Variants in UBASH3A observed in about 807,000 individuals in gnomAD.
The protein encoded by UBASH3A is ubiquitin-associated and SH3 domain-containing protein A.
A neutral mutation model predicts 73.5 loss-of-function variants in UBASH3A; 63 were observed. The observed-to-expected ratio is 0.86, with a 90% CI of 0.70 to 1.06. The LOEUF (loss-of-function observed/expected upper bound fraction) is 1.06, where lower values mean the gene tolerates loss of function less well. Ranked by LOEUF, UBASH3A falls within the 50% of genes least tolerant of loss-of-function variation. UBASH3A has a pLI of 0.00. For synonymous variants in UBASH3A, 363 were observed against 351.1 expected, an observed-to-expected ratio of 1.03 and a Z score of -0.38; for missense variants, 860 against 859.0, an observed-to-expected ratio of 1.00 and a Z score of -0.02.
chr21:42,406,880 A>C (rs2052988279), intron 2 of UBASH3A, among the ~76,000 whole-genome samples: 1 of 152,200 alleles, frequency 6.6e-6, no homozygotes, highest in African/African-American at 2.4e-5. Flanking sequence ...AGATTGAGAT[A>C]GATAGGAGGA....
At chr21:42,446,220 T>C (rs2053841255) in intron 14 of UBASH3A, among the ~76,000 whole-genome samples, 1 of 152,192 alleles carries the variant, frequency 6.6e-6, no homozygotes, top group African/African-American at 2.4e-5. Context: ...CTTATGCTGG[T>C]CACGTGGCGT....
chr21:42,405,541 G>C (rs1378784003), intron 1 of UBASH3A, among the ~76,000 whole-genome samples: 1 of 152,196 alleles, frequency 6.6e-6, no homozygotes, highest in Non-Finnish European at 1.5e-5. Flanking sequence ...AGGCTGCCTT[G>C]TTCAAACCTC....
intron 1 of UBASH3A, among the ~76,000 whole-genome samples, chr21:42,405,519 T>A (rs9984108): frequency 3.8e-4 from 58 of 152,082 alleles, no homozygotes; most frequent in Non-Finnish European, 7.1e-4. Context: ...TCATAGTAAG[T>A]GCCCTGCACC....
rs562299997 is a variant in UBASH3A at position 42,423,532 on chromosome 21, G to A, written c.1047-3165G>A. Among the ~76,000 whole-genome samples, 3 of 152,302 alleles carry A rather than the reference G, an allele frequency of 2.0e-5. No homozygotes were observed. In the South Asian group the frequency reaches 6.2e-4, roughly 32 times the overall value. ...AACCATCTCAATTTCAGGAGGGTTG[G>A]GGCTCCCCTGTGGCCCCGCATCATT... On this transcript the variant is annotated intron_variant, in intron 7 of 14. Transcript: ENST00000319294.
chr21:42,418,994 T>C (rs537366349), intron 7 of UBASH3A, among the ~76,000 whole-genome samples: 1 of 152,352 alleles, frequency 6.6e-6, no homozygotes, highest in Admixed American at 6.5e-5. Context: ...GACTGTATAA[T>C]AAATTACCAC....
intron 12 of UBASH3A, 180 bp from the exon 13 acceptor site, chr21:42,443,132 T>C (rs976990283): frequency 7.2e-6 from 10 of 1,395,990 alleles, no homozygotes; most frequent in Middle Eastern, 1.9e-4. Context: ...GTGCTGGAGA[T>C]TGACTGTCAG....
At chr21:42,436,654 G>A (rs968173065) in intron 10 of UBASH3A, among the ~76,000 whole-genome samples, 2 of 152,162 alleles carry the variant, frequency 1.3e-5, no homozygotes, top group Non-Finnish European at 2.9e-5. Flanking sequence ...TTTTTCAAGG[G>A]AGGGGATACA....
chr21:42,404,868 A>G (rs1291355693), intron 1 of UBASH3A, among the ~76,000 whole-genome samples: 1 of 152,212 alleles, frequency 6.6e-6, no homozygotes, highest in Non-Finnish European at 1.5e-5. Context: ...CTTAGCCTTC[A>G]GAGTTACCAC....
At chr21:42,416,375 A>T in intron 5 of UBASH3A, 67 bp from the exon 6 acceptor site, 2 of 1,460,576 alleles carry the variant, frequency 1.4e-6, no homozygotes, top group Non-Finnish European at 1.8e-6. Flanking sequence ...GGAAGCATGG[A>T]GGTCGGAGGA....
At chr21:42,409,882 G>A (rs1282173883) in intron 3 of UBASH3A, among the ~76,000 whole-genome samples, 13 of 151,932 alleles carry the variant, frequency 8.6e-5, no homozygotes, top group Admixed American at 2.6e-4. Flanking sequence ...CCATTTTCTC[G>A]TTCATGTGTC....
rs535095589 is a variant in UBASH3A, at chr21:42,406,862, G to A, written c.167+501G>A. The stretch of plus-strand genomic sequence containing the variant: ...TATGTCCTCCTCAACTGCCTACTAC[G>A]ATGGATAAGATTGAGATAGATAGGA... On this transcript the variant is annotated intron_variant, in intron 2 of 14. Coordinates refer to ENST00000319294, the MANE Select transcript of UBASH3A (RefSeq NM_018961.4). 4.8e-4 allele frequency among the ~76,000 whole-genome samples: 73 copies of A among 152,302 alleles called. 2 individuals are homozygous for A. In the South Asian group the frequency reaches 0.014, roughly 30 times the overall value.
intron 14 of UBASH3A, among the ~76,000 whole-genome samples, 180 bp downstream of exon 14, chr21:42,444,823 C>T (rs749021103): frequency 6.6e-6 from 1 of 152,232 alleles, no homozygotes; most frequent in Admixed American, 6.5e-5. Flanking sequence ...CGGGCTGGGG[C>T]TGGTGGATAG....
At chr21:42,406,224 G>C in intron 1 of UBASH3A, 84 bp from the exon 2 acceptor site, 1 of 1,108,862 alleles carries the variant, frequency 9.0e-7, no homozygotes, top group Non-Finnish European at 1.4e-6. Flanking sequence ...AAGATCCTGG[G>C]TGTGCAAGGC....
chr21:42,434,827 T>C lies in UBASH3A; in HGVS notation c.1271-5T>C. On this transcript the variant is annotated splice_region_variant and splice_polypyrimidine_tract_variant and intron_variant, in intron 9 of 14. Coordinates refer to ENST00000319294, the MANE Select transcript of UBASH3A (RefSeq NM_018961.4). ...CTGAACGTCTGATGCTTATTTATAC[T>C]TCAGGGAAATACTACAGGCCAGACC... is the stretch of plus-strand genomic sequence containing the variant. 1 of 1,612,302 alleles carries C rather than the reference T, an allele frequency of 6.2e-7. No individual in the cohort carries two copies. The highest frequency in any genetic ancestry group is 1.7e-4 in the Middle Eastern group (1 of 6,052).
intron 7 of UBASH3A, among the ~76,000 whole-genome samples, chr21:42,422,754 C>T (rs1004766318): frequency 2.6e-5 from 4 of 151,876 alleles, no homozygotes; most frequent in South Asian, 2.1e-4. Flanking sequence ...AGTTGCAGAA[C>T]GATGTGTATG....
intron 3 of UBASH3A, among the ~76,000 whole-genome samples, 183 bp downstream of exon 3, chr21:42,409,791 A>C (rs1272396606): frequency 6.6e-6 from 1 of 152,180 alleles, no homozygotes; most frequent in Admixed American, 6.5e-5. Context: ...GTCAACTCCT[A>C]TTAATCCTTC....
intron 10 of UBASH3A, among the ~76,000 whole-genome samples, chr21:42,436,053 A>T (rs2053622999): frequency 6.6e-6 from 1 of 152,104 alleles, no homozygotes; most frequent in Admixed American, 6.5e-5. Flanking sequence ...AGAGTTACAG[A>T]GTCATAGATT....
chr21:42,416,384 G>A, intron 5 of UBASH3A, 58 bp from the exon 6 acceptor site: 1 of 1,482,812 alleles, frequency 6.7e-7, no homozygotes, highest in Non-Finnish European at 9.0e-7. Context: ...GAGGTCGGAG[G>A]AAGGAGACAT....
At chr21:42,410,415 A>G in intron 3 of UBASH3A, 1 of 536,170 alleles carries the variant, frequency 1.9e-6, no homozygotes, top group African/African-American at 1.9e-5. Flanking sequence ...GGAACCCTCC[A>G]TTCCAACACC....
Sources: gnomAD v4.1 joint callset for allele counts (sites outside exome capture counted in the v4.1 genomes callset) on GRCh38, gnomAD v4.1.1 for gene constraint, MANE v1.5 for transcripts, NCBI Gene and HGNC (gene_info 2026-07-23, HGNC 2026-07-21) for gene names.